LAMC1: variants seen among roughly 807,000 people sequenced by gnomAD.
The protein encoded by LAMC1 is laminin subunit gamma 1, also known as laminin subunit gamma-1.
A neutral mutation model predicts 173.6 loss-of-function variants in LAMC1; 38 were observed. The ratio of observed to expected loss-of-function variants is 0.22; its 90% confidence interval spans 0.17 to 0.29. LAMC1 has a LOEUF of 0.29. Ranked by LOEUF, LAMC1 falls within the 10% of genes least tolerant of loss-of-function variation. The pLI, the probability that LAMC1 is intolerant of heterozygous loss-of-function variation, is 1.00. For missense variants in LAMC1, 1,824 were observed against 2,051.8 expected, an observed-to-expected ratio of 0.89 and a Z score of 2.14; for synonymous variants, 746 against 749.1, an observed-to-expected ratio of 1.00 and a Z score of 0.07.
intron 22 of LAMC1, among the ~76,000 whole-genome samples, chr1:183,134,356 A>G (rs1656878945): frequency 6.6e-6 from 1 of 152,334 alleles, no homozygotes; most frequent in Admixed American, 6.5e-5. Context: ...TTGGAAAGGT[A>G]GAGTAGAGAT....
At chr1:183,054,204 A>G (rs1213989447) in intron 1 of LAMC1, among the ~76,000 whole-genome samples, 2 of 152,180 alleles carry the variant, frequency 1.3e-5, no homozygotes, top group South Asian at 2.1e-4. Flanking sequence ...ACTATGTGCT[A>G]TGCATGGTGT....
chr1:183,103,167 G>A (rs991363722), intron 1 of LAMC1, among the ~76,000 whole-genome samples, 161 bp from the exon 2 acceptor site: 1 of 152,104 alleles, frequency 6.6e-6, no homozygotes, highest in Non-Finnish European at 1.5e-5. Flanking sequence ...TCATTTTGGG[G>A]GAAAATACGT....
intron 3 of LAMC1, among the ~76,000 whole-genome samples, chr1:183,110,013 C>T (rs1358072385): frequency 6.6e-6 from 1 of 152,146 alleles, no homozygotes; most frequent in Non-Finnish European, 1.5e-5. Context: ...GTTTTGCAAT[C>T]CTGAGCACAT....
At chr1:183,081,139 G>A (rs969438718) in intron 1 of LAMC1, among the ~76,000 whole-genome samples, 5 of 151,778 alleles carry the variant, frequency 3.3e-5, no homozygotes, top group South Asian at 2.1e-4. Context: ...CGCCTGCATC[G>A]GCCTCCCAAA....
chr1:183,045,495 C>G (rs1158274150), intron 1 of LAMC1, among the ~76,000 whole-genome samples: 1 of 151,982 alleles, frequency 6.6e-6, no homozygotes, highest in East Asian at 1.9e-4. Context: ...AAAAAAAGTT[C>G]AGTATATTTT....
chr1:183,024,163 A>G (rs1330690714), intron 1 of LAMC1, 29 bp downstream of exon 1: 4 of 1,512,618 alleles, frequency 2.6e-6, no homozygotes, highest in Non-Finnish European at 3.6e-6. Flanking sequence ...GTCCCCTGCT[A>G]CTGCTCGCCA....
chr1:183,038,993 A>G (rs902165936), intron 1 of LAMC1, among the ~76,000 whole-genome samples: 4 of 152,140 alleles, frequency 2.6e-5, no homozygotes, highest in African/African-American at 9.7e-5. Flanking sequence ...TCTCTTACCA[A>G]ATAATTTAAG....
At chr1:183,060,432 C>T (rs1480482792) in intron 1 of LAMC1, among the ~76,000 whole-genome samples, 1 of 151,976 alleles carries the variant, frequency 6.6e-6, no homozygotes, top group Non-Finnish European at 1.5e-5. Context: ...TACCCTGTCC[C>T]TCTGTCCTGC....
intron 2 of LAMC1, 49 bp from the exon 3 acceptor site, chr1:183,108,227 T>G (rs1162549908): frequency 6.3e-7 from 1 of 1,575,502 alleles, no homozygotes; most frequent in Non-Finnish European, 8.7e-7. Flanking sequence ...TTATATCATT[T>G]TCAGTCCCTC....
intron 1 of LAMC1, among the ~76,000 whole-genome samples, chr1:183,054,988 CTTT>C (rs34723564): frequency 6.9e-5 from 9 of 130,770 alleles, no homozygotes; most frequent in South Asian, 2.5e-4. Context: ...CTTTGTGCAT[CTTT>C]TTTTTTTTTT....
intron 24 of LAMC1, 91 bp downstream of exon 24, chr1:183,135,247 A>T: frequency 1.3e-6 from 1 of 749,192 alleles, no homozygotes; most frequent in African/African-American, 1.8e-5. Context: ...TTATTACTTC[A>T]TCCCCAACTC....
intron 26 of LAMC1, 117 bp from the exon 27 acceptor site, chr1:183,140,287 C>A: frequency 4.2e-5 from 11 of 262,506 alleles, no homozygotes; most frequent in East Asian, 2.2e-4. Context: ...TTTCAATTTC[C>A]TAAGTTAGAA....
chr1:183,050,887 A>G (rs1156843787), intron 1 of LAMC1, among the ~76,000 whole-genome samples: 15 of 131,500 alleles, frequency 1.1e-4, no homozygotes, highest in African/African-American at 4.4e-4. Context: ...GTGAAACTCC[A>G]TCTCAAAAAA....
rs747226172 is a variant in LAMC1, at chr1:183,103,474, G to A, written c.565G>A (p.Ala189Thr). 14 of 1,614,136 alleles carry A rather than the reference G, an allele frequency of 8.7e-6. No homozygotes were observed. The Admixed American group carries it at 2.3e-4, about 27-fold the overall frequency. ...TTCCTGTGAGAACACCTACTCCAAG[G>A]CAAACCGCGGCTTCATCAGGACAGG... ...SGSCENTYSK[A>T]NRGFIRTGGD... is the part of the protein sequence containing the mutation. Residue 189 changes from alanine to threonine, a missense_variant, in exon 2 of 28, where the codon GCA becomes ACA. Coordinates refer to ENST00000258341, the MANE Select transcript of LAMC1 (RefSeq NM_002293.4).
chr1:183,091,058 G>C (rs1655553652), intron 1 of LAMC1, among the ~76,000 whole-genome samples: 1 of 152,098 alleles, frequency 6.6e-6, no homozygotes, highest in Non-Finnish European at 1.5e-5. Context: ...GATAATTCTA[G>C]GGGTATCAAA....
rs567569452 is a variant in LAMC1, at chr1:183,117,313, C to A, written c.1565-7C>A. ...AAAGTGCTTGTGTTTTCCTTCTCTA[C>A]CTGCAGATGAGGATGGGTGGCGTGC... On this transcript the variant is annotated splice_region_variant and splice_polypyrimidine_tract_variant and intron_variant, in intron 8 of 27. Transcript: ENST00000258341. 3.1e-6 allele frequency: 5 copies of A among 1,599,216 alleles called. No homozygotes were observed. Among genetic ancestry groups the A allele is most frequent in the Non-Finnish European group, 3.4e-6 (4 of 1,168,394 alleles).
chr1:183,098,139 C>T (rs1167512571), intron 1 of LAMC1, among the ~76,000 whole-genome samples: 2 of 152,092 alleles, frequency 1.3e-5, no homozygotes, highest in Non-Finnish European at 2.9e-5. Context: ...AATTAGAAGA[C>T]CTGGTCCAGT....
chr1:183,058,117 A>G (rs1210974706), intron 1 of LAMC1, among the ~76,000 whole-genome samples: 1 of 152,202 alleles, frequency 6.6e-6, no homozygotes, highest in Admixed American at 6.5e-5. Flanking sequence ...TAGTTTTCTA[A>G]AAGTTCGTCT....
At chr1:183,051,571 T>C (rs1654429221) in intron 1 of LAMC1, among the ~76,000 whole-genome samples, 1 of 152,226 alleles carries the variant, frequency 6.6e-6, no homozygotes, top group Non-Finnish European at 1.5e-5. Context: ...TGGAGTAGCT[T>C]GTTGTGCAGC....
Sources: gnomAD v4.1 joint callset for allele counts (sites outside exome capture counted in the v4.1 genomes callset) on GRCh38, gnomAD v4.1.1 for gene constraint, MANE v1.5 for transcripts, NCBI Gene and HGNC (gene_info 2026-07-23, HGNC 2026-07-21) for gene names.